Variants in MYO16 observed in about 807,000 individuals in gnomAD.
The protein encoded by MYO16 is myosin XVI, also known as unconventional myosin-XVI.
A neutral mutation model predicts 205.3 loss-of-function variants in MYO16; 94 were observed. That is an observed-to-expected ratio of 0.46 (90% CI 0.39 to 0.54). MYO16 has a LOEUF of 0.54. Among genes scored for constraint, MYO16 ranks in the 20% least tolerant of loss-of-function variants. The pLI is 0.00. For missense variants in MYO16, 2,315 were observed against 2,387.5 expected, an observed-to-expected ratio of 0.97 and a Z score of 0.63; for synonymous variants, 988 against 954.0, an observed-to-expected ratio of 1.04 and a Z score of -0.66.
intron 16 of MYO16, among the ~76,000 whole-genome samples, chr13:108,942,229 A>G (rs568479829): frequency 7.9e-5 from 12 of 152,104 alleles, no homozygotes; most frequent in Non-Finnish European, 5.9e-5. Flanking sequence ...TTGTTTGACT[A>G]TTTTTTCTCC....
At chr13:108,833,120 G>A (rs567558445) in intron 9 of MYO16, among the ~76,000 whole-genome samples, 7 of 151,738 alleles carry the variant, frequency 4.6e-5, no homozygotes, top group African/African-American at 1.7e-4. Context: ...AAATTTTTTT[G>A]CATATATCTG....
At chr13:108,649,275 T>C (rs546524055) in intron 1 of MYO16, among the ~76,000 whole-genome samples, 1 of 152,314 alleles carries the variant, frequency 6.6e-6, no homozygotes, top group African/African-American at 2.4e-5. Context: ...GATCCTGAAT[T>C]GTCCCACTAG....
At chr13:108,965,898 T>G (rs1883776423) in intron 20 of MYO16, among the ~76,000 whole-genome samples, 1 of 152,262 alleles carries the variant, frequency 6.6e-6, no homozygotes, top group African/African-American at 2.4e-5. Context: ...TGAGAATTTC[T>G]TAGTCATCCG....
At position 108,961,655 on chromosome 13, in the gene MYO16, A is replaced by C. The variant is rs777307656; in HGVS notation, c.2154A>C (p.Gln718His). ...AFVSDLQLLE[Q>H]VAGMLQVSTD... ...TTTCTGACCTCCAGCTCCTGGAACA[A>C]GGTCAGTGGAACATGACCTTCTGAC... Residue 718 changes from glutamine (Q) to histidine (H), a missense_variant and splice_region_variant, in exon 18 of 35, where the codon CAA (glutamine) becomes CAC (histidine). By Grantham distance (24) the Gln-to-His change is conservative. Transcript: ENST00000457511. The C allele has an allele frequency of 1.9e-6, 3 of 1,607,700 alleles. No individual in the cohort carries two copies. Among genetic ancestry groups the C allele is most frequent in the African/African-American group, 2.7e-5 (2 of 74,768 alleles).
chr13:108,564,524 G>A, the MYO16 span, among the ~76,000 whole-genome samples: 1 of 151,938 alleles, frequency 6.6e-6, no homozygotes, highest in African/African-American at 2.4e-5. Context: ...AGAGTTGTTT[G>A]AGCTCTTTAT....
intron 16 of MYO16, among the ~76,000 whole-genome samples, chr13:108,915,073 C>G (rs2139246444): frequency 6.6e-6 from 1 of 152,340 alleles, no homozygotes; most frequent in South Asian, 2.1e-4. Flanking sequence ...GAATGTAAAA[C>G]TACTTTCCTG....
intron 34 of MYO16, among the ~76,000 whole-genome samples, chr13:109,203,831 G>A (rs1880495259): frequency 6.6e-6 from 1 of 152,132 alleles, no homozygotes; most frequent in African/African-American, 2.4e-5. Context: ...TATAAACTTT[G>A]GCCTAGGGCG....
chr13:108,951,213 C>G (rs1313710295), intron 16 of MYO16, among the ~76,000 whole-genome samples: 1 of 152,070 alleles, frequency 6.6e-6, no homozygotes, highest in Non-Finnish European at 1.5e-5. Flanking sequence ...TGGAGAAACC[C>G]CTGTAGATGG....
At chr13:108,958,852 G>A (rs1351976767) in intron 17 of MYO16, among the ~76,000 whole-genome samples, 2 of 152,150 alleles carry the variant, frequency 1.3e-5, no homozygotes, top group East Asian at 1.9e-4. Flanking sequence ...GTCAATTTAC[G>A]GCCAATTCCT....
the MYO16 span, among the ~76,000 whole-genome samples, chr13:108,496,035 G>A: frequency 7.9e-5 from 12 of 152,142 alleles, no homozygotes; most frequent in Non-Finnish European, 1.5e-4. Context: ...GCACCGCCGG[G>A]CTGGGGACGC....
intron 1 of MYO16, among the ~76,000 whole-genome samples, chr13:108,598,125 A>G (rs113988779): frequency 6.6e-6 from 1 of 152,326 alleles, no homozygotes; most frequent in South Asian, 2.1e-4. Context: ...GCAGAGATCA[A>G]TATCAGCGTT....
chr13:108,634,378 C>T (rs1880128489), intron 1 of MYO16, among the ~76,000 whole-genome samples: 1 of 152,166 alleles, frequency 6.6e-6, no homozygotes. Flanking sequence ...CTTCTGCCTC[C>T]TGCAAGCTTG....
intron 1 of MYO16, among the ~76,000 whole-genome samples, chr13:108,605,665 G>C (rs1878928299): frequency 6.6e-6 from 1 of 152,152 alleles, no homozygotes; most frequent in African/African-American, 2.4e-5. Context: ...GGCCTCCCCA[G>C]CCATGCAGAA....
intron 16 of MYO16, among the ~76,000 whole-genome samples, chr13:108,956,110 A>G (rs1282996269): frequency 2.0e-5 from 3 of 150,436 alleles, no homozygotes; most frequent in African/African-American, 7.3e-5. Flanking sequence ...AAACTTTAAC[A>G]AGTAATTTAA....
At chr13:108,714,232 T>C (rs1184503024) in intron 3 of MYO16, among the ~76,000 whole-genome samples, 2 of 152,158 alleles carry the variant, frequency 1.3e-5, no homozygotes, top group African/African-American at 2.4e-5. Flanking sequence ...ATTTTTTGTA[T>C]TTTTAGTAGA....
intron 12 of MYO16, among the ~76,000 whole-genome samples, chr13:108,880,184 C>A (rs1318417878): frequency 3.3e-5 from 5 of 152,144 alleles, no homozygotes; most frequent in African/African-American, 1.2e-4. Context: ...CTGTTCATAT[C>A]CTTTGGCCAC....
intron 11 of MYO16, among the ~76,000 whole-genome samples, chr13:108,861,159 C>G (rs1405403901): frequency 6.6e-6 from 1 of 152,100 alleles, no homozygotes; most frequent in Non-Finnish European, 1.5e-5. Flanking sequence ...CCCACGTAAC[C>G]TGCAGCTTCA....
In MYO16 at chr13:108,740,862, A is replaced by G. The variant is rs549822720; in HGVS notation, c.507+13279A>G. On this transcript the variant is annotated intron_variant, in intron 4 of 34. Transcript: ENST00000457511. ...GCACCCCTCCCCCAGCCTCACTGCC[A>G]CCTTGCAGTTATATCTCAGGCTGCT... is the stretch of plus-strand genomic sequence containing the variant. Among the ~76,000 whole-genome samples the G allele has an allele frequency of 1.7e-3, 262 of 152,212 alleles. 1 individual carries two copies. Among genetic ancestry groups the G allele is most frequent in the South Asian group, 2.7e-3 (13 of 4,814 alleles).
At chr13:108,656,736 G>T (rs1881261813) in intron 1 of MYO16, among the ~76,000 whole-genome samples, 1 of 152,012 alleles carries the variant, frequency 6.6e-6, no homozygotes, top group Admixed American at 6.6e-5. Context: ...AAAAAAAGTA[G>T]GGCAATAAGC....
Sources: allele counts gnomAD v4.1 joint callset (sites outside exome capture counted in the v4.1 genomes callset), GRCh38; gene constraint gnomAD v4.1.1; transcripts MANE v1.5; gene names NCBI Gene and HGNC (gene_info 2026-07-23, HGNC 2026-07-21).